MACROD2: variants seen among roughly 807,000 people sequenced by gnomAD.
MACROD2 encodes mono-ADP ribosylhydrolase 2.
In MACROD2, 36 loss-of-function variants were observed where a neutral mutation model predicts 70.4. The ratio of observed to expected loss-of-function variants is 0.51; its 90% confidence interval spans 0.39 to 0.68. MACROD2 has a LOEUF of 0.68. Among genes scored for constraint, MACROD2 ranks in the 30% least tolerant of loss-of-function variants. The probability of loss-of-function intolerance (pLI) is 0.00; values close to 1 mark genes in which losing one functional copy is unlikely to be tolerated. For synonymous variants in MACROD2, 172 were observed against 178.8 expected (o/e 0.96, Z 0.30); for missense variants, 496 against 538.4 (o/e 0.92, Z 0.78).
chr20:15,872,232 T>C (rs1341253953), intron 9 of MACROD2, among the ~76,000 whole-genome samples: 1 of 152,184 alleles, frequency 6.6e-6, no homozygotes, highest in Non-Finnish European at 1.5e-5. Context: ...CTTCTTCTTC[T>C]TATCTCCTCT....
At chr20:14,757,376 C>T (rs1213306962) in intron 5 of MACROD2, among the ~76,000 whole-genome samples, 2 of 151,982 alleles carry the variant, frequency 1.3e-5, no homozygotes, top group East Asian at 1.9e-4. Context: ...GAAATTCAGT[C>T]GTAATACTCT....
In MACROD2 at chr20:15,756,403, T is replaced by G. The variant is rs919394208; in HGVS notation, c.646-106342T>G. Among the ~76,000 whole-genome samples the G allele has an allele frequency of 5.5e-5, 8 of 144,644 alleles. No homozygotes were observed. The East Asian group carries it at 1.4e-3, about 25-fold the overall frequency. 94.9% of individuals were successfully genotyped at this position (144,644 alleles called of 152,430 possible). On this transcript the variant is annotated intron_variant, in intron 8 of 17. Coordinates refer to ENST00000684519, the MANE Select transcript of MACROD2 (RefSeq NM_001351661.2). The stretch of plus-strand genomic sequence containing the variant: ...GCACTAAGTGGAGTACTTTGCTTCT[T>G]GGTTTGAGAAAAAAAAAAATTTACA...
intron 8 of MACROD2, among the ~76,000 whole-genome samples, chr20:15,693,416 G>A (rs1443532784): frequency 6.6e-6 from 1 of 152,092 alleles, no homozygotes; most frequent in Non-Finnish European, 1.5e-5. Context: ...CATTCCTCCT[G>A]TGGTTCACTT....
At chr20:14,337,219 CTTACATTCAGCCATG>C (rs2082954398) in intron 3 of MACROD2, among the ~76,000 whole-genome samples, 1 of 152,204 alleles carries the variant, frequency 6.6e-6, no homozygotes, top group South Asian at 2.1e-4. Flanking sequence ...TAAGAAACTT[CTTACATTCAGCCATG>C]ATAGTGAAAT....
Position 14,997,175 on chromosome 20 carries a change from GAATA to G in MACROD2, c.419-232762_419-232759del, listed in dbSNP as rs2074957076. On this transcript the variant is annotated intron_variant, in intron 5 of 17. Coordinates refer to ENST00000684519, the MANE Select transcript of MACROD2 (RefSeq NM_001351661.2). ...AAAGGAGAAGGAAAAGGAGTGGGGA[GAATA>G]AAGAGGACTTTGTTTTACAACGTGG... 2.0e-5 allele frequency among the ~76,000 whole-genome samples: 3 copies of G among 152,102 alleles called. No homozygotes were observed. In the South Asian group the frequency reaches 6.2e-4, roughly 32 times the overall value.
At chr20:15,939,347 G>C (rs1471340929) in intron 12 of MACROD2, among the ~76,000 whole-genome samples, 1 of 152,150 alleles carries the variant, frequency 6.6e-6, no homozygotes, top group Non-Finnish European at 1.5e-5. Flanking sequence ...GCAACTTTAA[G>C]TTGAAGACAA....
chr20:16,013,363 T>C (rs1271915388), intron 15 of MACROD2, among the ~76,000 whole-genome samples: 2 of 152,060 alleles, frequency 1.3e-5, no homozygotes, highest in African/African-American at 4.8e-5. Flanking sequence ...GAACCTAAAA[T>C]AGAAATTGTA....
intron 8 of MACROD2, among the ~76,000 whole-genome samples, chr20:15,804,874 T>G (rs1399198351): frequency 6.6e-6 from 1 of 152,178 alleles, no homozygotes; most frequent in Non-Finnish European, 1.5e-5. Context: ...CATGAGTGGC[T>G]TTCAACCCAT....
intron 8 of MACROD2, among the ~76,000 whole-genome samples, chr20:15,574,971 C>T (rs1474667134): frequency 6.6e-6 from 1 of 152,098 alleles, no homozygotes; most frequent in African/African-American, 2.4e-5. Flanking sequence ...AATTTGCTTT[C>T]GACTTTCTTT....
At chr20:14,013,927 G>A (rs1337791900) in intron 2 of MACROD2, among the ~76,000 whole-genome samples, 1 of 151,862 alleles carries the variant, frequency 6.6e-6, no homozygotes, top group Non-Finnish European at 1.5e-5. Context: ...ACCTGCCTCA[G>A]GCTCCCAAGG....
At chr20:15,051,337 GATGTGTGTGT>G (rs2075438365) in intron 5 of MACROD2, among the ~76,000 whole-genome samples, 1 of 136,410 alleles carries the variant, frequency 7.3e-6, no homozygotes, top group African/African-American at 2.8e-5. Flanking sequence ...ATCAGTAGGA[GATGTGTGTGT>G]GTGTGTGTGT....
At chr20:14,248,583 A>C (rs1404471149) in intron 3 of MACROD2, among the ~76,000 whole-genome samples, 1 of 152,048 alleles carries the variant, frequency 6.6e-6, no homozygotes, top group Non-Finnish European at 1.5e-5. Flanking sequence ...ACTCTGTCTC[A>C]AAATAATAAT....
chr20:15,163,905 A>G (rs1349802458), intron 5 of MACROD2, among the ~76,000 whole-genome samples: 3 of 152,126 alleles, frequency 2.0e-5, no homozygotes, highest in East Asian at 1.9e-4. Context: ...ATGCTGGGCA[A>G]TTCTTTAGGC....
At chr20:15,428,908 T>G (rs2146353589) in intron 6 of MACROD2, among the ~76,000 whole-genome samples, 1 of 152,246 alleles carries the variant, frequency 6.6e-6, no homozygotes, top group South Asian at 2.1e-4. Flanking sequence ...ACATTTTTTT[T>G]TTCTCTCCAG....
chr20:15,635,311 G>A (rs1302911743), intron 8 of MACROD2, among the ~76,000 whole-genome samples: 4 of 152,294 alleles, frequency 2.6e-5, no homozygotes, highest in African/African-American at 7.2e-5. Context: ...TAAAGCTAAC[G>A]AATGGCAAAA....
intron 5 of MACROD2, among the ~76,000 whole-genome samples, chr20:14,837,049 T>A (rs2073037367): frequency 7.1e-6 from 1 of 140,428 alleles, no homozygotes; most frequent in South Asian, 2.3e-4. Context: ...ATCTGTAAAT[T>A]AAAGAATTTT....
chr20:15,540,628 A>G (rs2047942335), intron 8 of MACROD2, among the ~76,000 whole-genome samples: 1 of 152,220 alleles, frequency 6.6e-6, no homozygotes. Context: ...CTTCTGTAAC[A>G]AAGTGCACAA....
chr20:15,404,899 T>TA (rs1402848111), intron 6 of MACROD2, among the ~76,000 whole-genome samples: 1 of 152,228 alleles, frequency 6.6e-6, no homozygotes, highest in Non-Finnish European at 1.5e-5. Context: ...AGCAAGAGTC[T>TA]AAATATCTAT....
chr20:15,048,120 T>TA lies in MACROD2; in HGVS notation c.419-181814dup, dbSNP rs200427262. Among the ~76,000 whole-genome samples, 638 of 102,296 alleles carry TA rather than the reference T, an allele frequency of 6.2e-3. 5 individuals carry two copies. Among genetic ancestry groups the TA allele is most frequent in the African/African-American group, 0.023 (614 of 26,612 alleles). 67.1% of individuals were successfully genotyped at this position (102,296 alleles called of 152,430 possible). A position where few individuals can be genotyped will look rare whatever the true frequency, so the allele number is the denominator to read the frequency against. ...CTCTAGTAAATAAATAAATAAATAA[T>TA]AAAAAATTAGCCAGGTGTGGTGGTG... On this transcript the variant is annotated intron_variant, in intron 5 of 17. Coordinates refer to ENST00000684519, the MANE Select transcript of MACROD2 (RefSeq NM_001351661.2).
Sources: gnomAD v4.1 joint callset for allele counts (sites outside exome capture counted in the v4.1 genomes callset) on GRCh38, gnomAD v4.1.1 for gene constraint, MANE v1.5 for transcripts, NCBI Gene and HGNC (gene_info 2026-07-23, HGNC 2026-07-21) for gene names.